Variants in STK31 observed in about 807,000 individuals in gnomAD.
STK31 encodes serine/threonine-protein kinase 31.
STK31 carries 89 observed loss-of-function variants against 129.7 expected under a neutral mutation model. That is an observed-to-expected ratio of 0.69 (90% CI 0.58 to 0.82). The LOEUF (loss-of-function observed/expected upper bound fraction) is 0.82. Among genes scored for constraint, STK31 ranks in the 40% least tolerant of loss-of-function variants. STK31 has a pLI of 0.00. For synonymous variants in STK31, 448 were observed against 395.3 expected (o/e 1.13, Z -1.58); for missense variants, 1,187 against 1,176.4 (o/e 1.01, Z -0.13).
At chr7:23,741,850 G>A (rs373715498) in intron 8 of STK31, among the ~76,000 whole-genome samples, 3 of 152,312 alleles carry the variant, frequency 2.0e-5, no homozygotes, top group East Asian at 3.9e-4. Flanking sequence ...AGGAGAGCCT[G>A]GCTTTTCTGC....
At chr7:23,729,009 A>T in intron 5 of STK31, 82 bp from the exon 6 acceptor site, 1 of 1,320,548 alleles carries the variant, frequency 7.6e-7, no homozygotes, top group Non-Finnish European at 1.0e-6. Flanking sequence ...ACAGGTCATT[A>T]ACAGAGAGCA....
intron 23 of STK31, among the ~76,000 whole-genome samples, chr7:23,825,745 C>A (rs938755754): frequency 2.6e-5 from 4 of 151,918 alleles, no homozygotes; most frequent in African/African-American, 4.8e-5. Flanking sequence ...TAGTGCTATA[C>A]ATTTCCCTCT....
chr7:23,815,131 C>A lies in STK31; in HGVS notation c.2761-13C>A, dbSNP rs1793394378. 3.1e-6 allele frequency: 5 copies of A among 1,592,184 alleles called. No homozygotes were observed. Among genetic ancestry groups the A allele is most frequent in the South Asian group, 1.1e-5 (1 of 87,698 alleles). ...TACATTGGACATTTATTCATTCTTA[C>A]TTTCTTTCACAGCTTTCTGTTCAAA... On this transcript the variant is annotated splice_polypyrimidine_tract_variant and intron_variant, in intron 22 of 23. Coordinates refer to ENST00000355870, the MANE Select transcript of STK31 (RefSeq NM_031414.5).
intron 10 of STK31, among the ~76,000 whole-genome samples, chr7:23,757,947 C>G (rs537510670): frequency 6.6e-6 from 1 of 152,300 alleles, no homozygotes; most frequent in African/African-American, 2.4e-5. Context: ...AACAAGCATA[C>G]TGCCTTCAAG....
At chr7:23,769,205 T>C in intron 12 of STK31, 31 bp downstream of exon 12, 1 of 1,504,956 alleles carries the variant, frequency 6.6e-7, no homozygotes, top group African/African-American at 1.4e-5. Context: ...GTTGTGTTTG[T>C]AGCATAAACC....
chr7:23,730,878 A>ATATTTTTTTTT, intron 6 of STK31, among the ~76,000 whole-genome samples: 8 of 59,550 alleles, frequency 1.3e-4, no homozygotes, highest in Admixed American at 2.7e-4. Flanking sequence ...ATATATATAT[A>ATATTTTTTTTT]TTTTTTTTTT....
chr7:23,764,372 G>A (rs1789679459), intron 11 of STK31, among the ~76,000 whole-genome samples: 1 of 152,094 alleles, frequency 6.6e-6, no homozygotes, highest in South Asian at 2.1e-4. Context: ...TCCACTTCTA[G>A]TATTCCCTCA....
chr7:23,832,246 T>C lies in STK31; in HGVS notation c.2940T>C (p.Val980=), dbSNP rs775771240. 6.2e-7 allele frequency: 1 copy of C among 1,614,014 alleles called. No homozygotes were observed. Among genetic ancestry groups the C allele is most frequent in the South Asian group, 1.1e-5 (1 of 91,084 alleles). ...TCTTGATGCCAAAGGAGCAATCAGTTCCAAACCCAGAAAAAGATACTGAAT... is the reference window on the plus strand; with the variant it reads ...TCTTGATGCCAAAGGAGCAATCAGTCCCAAACCCAGAAAAAGATACTGAAT... ...ECFLMPKEQS[V]PNPEKDTEYT... Residue 980 remains valine (V), a synonymous_variant, in exon 24 of 24, where the codon GTT becomes GTC. Transcript: ENST00000355870.
chr7:23,808,174 T>TTC (rs1792838605), intron 22 of STK31, among the ~76,000 whole-genome samples: 1 of 150,626 alleles, frequency 6.6e-6, no homozygotes, highest in East Asian at 2.0e-4. Flanking sequence ...TATATATTTT[T>TTC]TGTAGGCAGC....
chr7:23,752,350 A>ATT (rs140189040), intron 8 of STK31, among the ~76,000 whole-genome samples: 10 of 140,768 alleles, frequency 7.1e-5, no homozygotes, highest in South Asian at 2.3e-4. Flanking sequence ...CAAATTTGGA[A>ATT]TTTTTTTTTT....
chr7:23,712,799 A>G (rs1171472075), intron 3 of STK31, among the ~76,000 whole-genome samples: 2 of 152,212 alleles, frequency 1.3e-5, no homozygotes, highest in Non-Finnish European at 2.9e-5. Context: ...TTTAAATACA[A>G]AGCAAGCACT....
Position 23,790,830 on chromosome 7 carries a change from C to T in STK31, c.2644C>T (p.Arg882Ter). 5.7e-6 allele frequency: 9 copies of T among 1,588,656 alleles called. No individual in the cohort carries two copies. Among genetic ancestry groups the T allele is most frequent in the South Asian group, 3.5e-5 (3 of 85,958 alleles). ...DFDFTKSVSQ[R>*]ASVNMMVGDL... ...TAAAATATTGTTTTTGCAGAGTCAG[C>T]GAGCCTCGGTGAACATGATGGTTGG... The change falls in exon 22 of 24, where the codon CGA (arginine) becomes TGA (stop). Residue 882 changes from arginine to a stop codon, truncating the protein, a stop_gained. Transcript: ENST00000355870. LOFTEE classifies it high-confidence loss of function.
rs66962254 is a variant in STK31 at position 23,782,471 on chromosome 7, C to CAAA, written c.2067+970_2067+972dup. Among the ~76,000 whole-genome samples the CAAA allele has an allele frequency of 1.1e-3, 95 of 84,478 alleles. 1 individual carries two copies. The highest frequency in any genetic ancestry group is 2.6e-3 in the African/African-American group (59 of 22,934). 55.4% of individuals were successfully genotyped at this position (84,478 alleles called of 152,430 possible). A position where few individuals can be genotyped will look rare whatever the true frequency, so the allele number is the denominator to read the frequency against. On this transcript the variant is annotated intron_variant, in intron 16 of 23. Transcript: ENST00000355870. ...TGGGCAACAGAGCAAGACCCTGTCT[C>CAAA]AAAAAAAAAAAAAAAAAAAAAGAAA...
rs397773231 is a variant in STK31 at position 23,832,409 on chromosome 7, G to GTTTA, written c.*43_*44insTTTA. 2.1e-6 allele frequency: 2 copies of GTTTA among 970,938 alleles called. No individual in the cohort carries two copies. The highest frequency in any genetic ancestry group is 3.0e-6 in the Non-Finnish European group (2 of 659,234). The allele number at this position is 970,938 out of a possible 1,614,324, so 60.1% of individuals were successfully genotyped here. A position where few individuals can be genotyped will look rare whatever the true frequency, so the allele number is the denominator to read the frequency against. ...TGCAGAGGTTCTTTTTAAAAACTTT[G>GTTTA]GTTTGGTTAATACACAGAAATATCT... On this transcript the variant is annotated 3_prime_UTR_variant, in exon 24 of 24. Coordinates refer to ENST00000355870, the MANE Select transcript of STK31 (RefSeq NM_031414.5).
intron 22 of STK31, among the ~76,000 whole-genome samples, chr7:23,796,696 A>G (rs1301930601): frequency 6.6e-6 from 1 of 152,106 alleles, no homozygotes; most frequent in Non-Finnish European, 1.5e-5. Context: ...CAACCCTTAA[A>G]CGCTGGCAAC....
chr7:23,821,938 C>A lies in STK31; in HGVS notation c.2829+6726C>A, dbSNP rs1166810259. Among the ~76,000 whole-genome samples the A allele has an allele frequency of 2.0e-5, 3 of 151,848 alleles. No homozygotes were observed. The South Asian group carries it at 6.2e-4, about 32-fold the overall frequency. On this transcript the variant is annotated intron_variant, in intron 23 of 23. Transcript: ENST00000355870. The stretch of plus-strand genomic sequence containing the variant: ...TTTTCCCCAGTATATGTTCTTGGTG[C>A]CTTTGTGGGAAATTGGTTGGCTGTT...
chr7:23,808,418 C>T, intron 22 of STK31, among the ~76,000 whole-genome samples: 1 of 152,130 alleles, frequency 6.6e-6, no homozygotes, highest in East Asian at 1.9e-4. Context: ...CTTATTCCAC[C>T]TTCTTGTGCC....
intron 6 of STK31, among the ~76,000 whole-genome samples, chr7:23,734,960 G>A (rs531659645): frequency 6.5e-4 from 99 of 152,246 alleles, no homozygotes; most frequent in African/African-American, 2.2e-3. Context: ...GTGAGATTCT[G>A]TCTCAAAAAA....
chr7:23,800,551 G>C (rs1792303933), intron 22 of STK31, among the ~76,000 whole-genome samples: 1 of 151,768 alleles, frequency 6.6e-6, no homozygotes, highest in Non-Finnish European at 1.5e-5. Context: ...TGAACAATGA[G>C]AACATATGGA....
Sources: gnomAD v4.1 joint callset for allele counts (sites outside exome capture counted in the v4.1 genomes callset) on GRCh38, gnomAD v4.1.1 for gene constraint, MANE v1.5 for transcripts, NCBI Gene and HGNC (gene_info 2026-07-23, HGNC 2026-07-21) for gene names.